The following CAMTA1 variants were observed in gnomAD, a reference collection of about 807,000 sequenced individuals.
CAMTA1 encodes calmodulin binding transcription activator 1, also known as calmodulin-binding transcription activator 1.
Under a neutral mutation model 170.9 loss-of-function variants are expected in CAMTA1, and 27 were observed. That is an observed-to-expected ratio of 0.16 (90% CI 0.12 to 0.22). The LOEUF is 0.22. Ranked by LOEUF, CAMTA1 falls within the 10% of genes least tolerant of loss-of-function variation. The pLI, the probability that CAMTA1 is intolerant of heterozygous loss-of-function variation, is 1.00. For missense variants in CAMTA1, 1,619 were observed against 2,217.2 expected (o/e 0.73, Z 5.42); for synonymous variants, 833 against 891.5 (o/e 0.93, Z 1.17).
chr1:7,428,538 A>G (rs891911009), intron 5 of CAMTA1, among the ~76,000 whole-genome samples: 1 of 152,046 alleles, frequency 6.6e-6, no homozygotes, highest in East Asian at 1.9e-4. Flanking sequence ...GCCTTCCCGC[A>G]TAGGTGATAG....
At chr1:6,823,073 A>G (rs1227237989) in intron 2 of CAMTA1, among the ~76,000 whole-genome samples, 1 of 152,142 alleles carries the variant, frequency 6.6e-6, no homozygotes, top group Non-Finnish European at 1.5e-5. Flanking sequence ...CATAAAAGGT[A>G]CCTGTAAATG....
At chr1:7,347,537 C>T (rs2084315007) in intron 5 of CAMTA1, among the ~76,000 whole-genome samples, 1 of 152,238 alleles carries the variant, frequency 6.6e-6, no homozygotes, top group Non-Finnish European at 1.5e-5. Context: ...CCTTGGGTCA[C>T]TTGTATTGGT....
intron 21 of CAMTA1, among the ~76,000 whole-genome samples, chr1:7,753,602 T>C (rs571353210): frequency 1.3e-5 from 2 of 152,330 alleles, no homozygotes; most frequent in African/African-American, 4.8e-5. Context: ...CTTTAAGACT[T>C]AATAGGTTTA....
chr1:7,059,644 A>C (rs969898557), intron 3 of CAMTA1, among the ~76,000 whole-genome samples: 2 of 152,010 alleles, frequency 1.3e-5, no homozygotes, highest in Non-Finnish European at 2.9e-5. Flanking sequence ...AAAATGAACA[A>C]AAGCTTATGA....
chr1:7,522,673 G>T (rs1183030153), intron 6 of CAMTA1, among the ~76,000 whole-genome samples: 2 of 152,154 alleles, frequency 1.3e-5, no homozygotes, highest in Non-Finnish European at 2.9e-5. Context: ...TTTAGGTCGA[G>T]GTTCCTTTTG....
intron 12 of CAMTA1, among the ~76,000 whole-genome samples, chr1:7,735,794 C>G (rs763406439): frequency 6.6e-6 from 1 of 151,988 alleles, no homozygotes; most frequent in Non-Finnish European, 1.5e-5. Context: ...TTTTTTGAGA[C>G]AAGGTCTTGC....
rs1035942381 is a variant in CAMTA1 at position 7,041,545 on chromosome 1, C to G, written c.235-49759C>G. ...AACTCTTACGAAATTAAGCATAATG[C>G]GAAAACATGCTGAAAAGACAGTTCT... is the stretch of plus-strand genomic sequence containing the variant. On this transcript the variant is annotated intron_variant, in intron 3 of 22. Coordinates refer to ENST00000303635, the MANE Select transcript of CAMTA1 (RefSeq NM_015215.4). This position sits in a 1 kb window ranked among gnomAD's most constrained non-coding sequence, Gnocchi z 5.1. Among the ~76,000 whole-genome samples, 1 of 152,104 alleles carries G rather than the reference C, an allele frequency of 6.6e-6. No homozygotes were observed. The highest frequency in any genetic ancestry group is 1.5e-5 in the Non-Finnish European group (1 of 68,026).
intron 3 of CAMTA1, among the ~76,000 whole-genome samples, chr1:7,062,369 A>G (rs1278184209): frequency 1.3e-5 from 2 of 152,236 alleles, no homozygotes; most frequent in African/African-American, 2.4e-5. Context: ...AGCTAATGTA[A>G]AAGTTTTTAG....
intron 6 of CAMTA1, among the ~76,000 whole-genome samples, chr1:7,582,396 T>C (rs1398240838): frequency 6.6e-6 from 1 of 152,162 alleles, no homozygotes; most frequent in Non-Finnish European, 1.5e-5. Flanking sequence ...GGTGTGTCCA[T>C]GAACGAGTCT....
intron 6 of CAMTA1, among the ~76,000 whole-genome samples, chr1:7,573,651 T>C (rs2095152260): frequency 6.6e-6 from 1 of 152,224 alleles, no homozygotes; most frequent in Non-Finnish European, 1.5e-5. Context: ...GCTATGTCAC[T>C]CTGATCTCGG....
At position 6,998,608 on chromosome 1, in the gene CAMTA1, C is replaced by T. The variant is rs985481431; in HGVS notation, c.235-92696C>T. Among the ~76,000 whole-genome samples the T allele has an allele frequency of 5.3e-5, 8 of 152,196 alleles. No individual in the cohort carries two copies. In the East Asian group the frequency reaches 9.6e-4, roughly 18 times the overall value. Reference sequence around the variant, plus strand: ...ATGCACTTTGCCTTCTCCATAGCACCGTCTGGTGCACCTTGCGTTTCGTCT... The same window carrying T: ...ATGCACTTTGCCTTCTCCATAGCACTGTCTGGTGCACCTTGCGTTTCGTCT... On this transcript the variant is annotated intron_variant, in intron 3 of 22. Transcript: ENST00000303635.
chr1:7,193,984 T>A (rs771590341), intron 4 of CAMTA1, among the ~76,000 whole-genome samples: 29 of 152,224 alleles, frequency 1.9e-4, no homozygotes, highest in South Asian at 6.2e-4. Flanking sequence ...CTATCTTTCA[T>A]GCCCTTAGCA....
At chr1:7,169,232 T>G (rs1649112062) in intron 4 of CAMTA1, among the ~76,000 whole-genome samples, 1 of 152,230 alleles carries the variant, frequency 6.6e-6, no homozygotes. Context: ...TGATTTATAA[T>G]GGCTTCTATA....
At chr1:7,175,967 CAA>C (rs1263815589) in intron 4 of CAMTA1, among the ~76,000 whole-genome samples, 1 of 152,198 alleles carries the variant, frequency 6.6e-6, no homozygotes, top group African/African-American at 2.4e-5. Flanking sequence ...CATCTCTAAG[CAA>C]ACTCTGAAGT....
intron 6 of CAMTA1, among the ~76,000 whole-genome samples, chr1:7,630,025 A>C (rs2095658437): frequency 6.6e-6 from 1 of 152,168 alleles, no homozygotes; most frequent in Non-Finnish European, 1.5e-5. Context: ...ATTAAAATTT[A>C]GTGTCATCTG....
intron 6 of CAMTA1, among the ~76,000 whole-genome samples, chr1:7,480,734 C>CT (rs1405269438): frequency 6.6e-6 from 1 of 152,166 alleles, no homozygotes; most frequent in Non-Finnish European, 1.5e-5. Flanking sequence ...CCCTGAGCTG[C>CT]TGAGGCCTTC....
intron 22 of CAMTA1, among the ~76,000 whole-genome samples, chr1:7,761,524 C>T (rs2096975689): frequency 6.6e-6 from 1 of 152,166 alleles, no homozygotes; most frequent in African/African-American, 2.4e-5. Context: ...ACTGAGCACT[C>T]AGTAACCCTT....
chr1:6,797,426 C>A (rs1279635043), intron 1 of CAMTA1, among the ~76,000 whole-genome samples: 1 of 150,916 alleles, frequency 6.6e-6, no homozygotes, highest in Non-Finnish European at 1.5e-5. Flanking sequence ...AGCTCTGTCA[C>A]CCAGGCTGGA....
Position 7,664,503 on chromosome 1 carries a change from G to C in CAMTA1, c.1956G>C (p.Ser652=). Residue 652 remains serine (S), a synonymous_variant, in exon 9 of 23, where the codon TCG becomes TCC. Coordinates refer to ENST00000303635, the MANE Select transcript of CAMTA1 (RefSeq NM_015215.4). ...TGCCCACGGTGAAAACGGAGGCCTCGTCCCAAACCAGCTCCTGCAGCGGTC... is the reference window on the plus strand; with the variant it reads ...TGCCCACGGTGAAAACGGAGGCCTCCTCCCAAACCAGCTCCTGCAGCGGTC... ...FVMPTVKTEA[S]SQTSSCSGHV... 6.2e-7 allele frequency: 1 copy of C among 1,613,274 alleles called. No homozygotes were observed. Among genetic ancestry groups the C allele is most frequent in the Non-Finnish European group, 8.5e-7 (1 of 1,180,040 alleles).
Sources: allele counts gnomAD v4.1 joint callset (sites outside exome capture counted in the v4.1 genomes callset), GRCh38; gene constraint gnomAD v4.1.1; non-coding constraint Gnocchi (gnomAD v3.1); transcripts MANE v1.5; gene names NCBI Gene and HGNC (gene_info 2026-07-23, HGNC 2026-07-21).